The following RNF180 variants were observed in gnomAD, a reference collection of about 807,000 sequenced individuals.
The protein encoded by RNF180 is ring finger protein 180.
A neutral mutation model predicts 59.2 loss-of-function variants in RNF180; 38 were observed. The ratio of observed to expected loss-of-function variants is 0.64; its 90% CI spans 0.50 to 0.84. The LOEUF (loss-of-function observed/expected upper bound fraction) is 0.84. Ranked by LOEUF, RNF180 falls within the 40% of genes least tolerant of loss-of-function variation. The probability of loss-of-function intolerance (pLI) is 0.00; values close to 1 mark genes in which losing one functional copy is unlikely to be tolerated. For synonymous variants in RNF180, 262 were observed against 240.3 expected (o/e 1.09, Z -0.84); for missense variants, 705 against 700.9 (o/e 1.01, Z -0.07).
intron 1 of RNF180, among the ~76,000 whole-genome samples, chr5:64,173,018 A>G (rs1750023944): frequency 6.6e-6 from 1 of 152,232 alleles, no homozygotes. Flanking sequence ...TATCCTGGTA[A>G]TGACTCTTAG....
intron 5 of RNF180, among the ~76,000 whole-genome samples, chr5:64,300,941 A>G (rs1451923190): frequency 1.3e-5 from 2 of 151,670 alleles, no homozygotes; most frequent in Non-Finnish European, 3.0e-5. Flanking sequence ...CCTCATTGGT[A>G]TATTTGGAAA....
At chr5:64,356,363 A>G (rs1185796973) in intron 7 of RNF180, among the ~76,000 whole-genome samples, 1 of 151,948 alleles carries the variant, frequency 6.6e-6, no homozygotes, top group Non-Finnish European at 1.5e-5. Context: ...ATTTCTGATA[A>G]TGACTTAATA....
At chr5:64,224,751 C>T (rs928262631) in intron 5 of RNF180, among the ~76,000 whole-genome samples, 16 of 152,164 alleles carry the variant, frequency 1.1e-4, no homozygotes, top group African/African-American at 3.9e-4. Flanking sequence ...GAACATGTCA[C>T]CTCCAAAATG....
intron 7 of RNF180, among the ~76,000 whole-genome samples, chr5:64,354,749 G>A (rs1745950821): frequency 6.6e-6 from 1 of 151,694 alleles, no homozygotes; most frequent in Non-Finnish European, 1.5e-5. Context: ...ATTACCAAAT[G>A]GGATTTATCT....
chr5:64,168,816 G>A (rs1213107841), intron 1 of RNF180, among the ~76,000 whole-genome samples: 2 of 152,082 alleles, frequency 1.3e-5, no homozygotes, highest in Non-Finnish European at 2.9e-5. Flanking sequence ...CCACACCGAT[G>A]TCAAAAGAAA....
chr5:64,343,220 G>A (rs528053280), intron 7 of RNF180, among the ~76,000 whole-genome samples: 118 of 152,064 alleles, frequency 7.8e-4, no homozygotes, highest in African/African-American at 2.8e-3. Context: ...TAGGAAAAAA[G>A]TGTTAATGAA....
At chr5:64,225,274 A>T (rs1265135112) in intron 5 of RNF180, among the ~76,000 whole-genome samples, 1 of 152,180 alleles carries the variant, frequency 6.6e-6, no homozygotes, top group African/African-American at 2.4e-5. Flanking sequence ...TTCATTCTAA[A>T]TCTGCACATT....
intron 1 of RNF180, among the ~76,000 whole-genome samples, chr5:64,174,999 G>A (rs534649328): frequency 2.5e-5 from 3 of 120,184 alleles, no homozygotes; most frequent in East Asian, 2.4e-4. Flanking sequence ...ACGGAGTCTC[G>A]CTCTGTCCCC....
intron 7 of RNF180, among the ~76,000 whole-genome samples, chr5:64,362,812 GT>G (rs1746308830): frequency 6.6e-6 from 1 of 151,668 alleles, no homozygotes; most frequent in African/African-American, 2.4e-5. Context: ...TCTCATTGTG[GT>G]TTTGATTTGC....
chr5:64,281,158 T>C (rs1741987953), intron 5 of RNF180, among the ~76,000 whole-genome samples: 1 of 152,230 alleles, frequency 6.6e-6, no homozygotes, highest in Non-Finnish European at 1.5e-5. Flanking sequence ...TGATTTTATA[T>C]CCTGAAACTT....
At chr5:64,261,000 G>GA (rs537912840) in intron 5 of RNF180, among the ~76,000 whole-genome samples, 26 of 148,046 alleles carry the variant, frequency 1.8e-4, no homozygotes, top group African/African-American at 6.5e-4. Flanking sequence ...TGCTCATACT[G>GA]AATGCAAACA....
intron 7 of RNF180, among the ~76,000 whole-genome samples, chr5:64,351,106 C>T (rs1263748429): frequency 2.6e-5 from 4 of 151,842 alleles, no homozygotes; most frequent in Non-Finnish European, 4.4e-5. Context: ...TTGTAGTTCT[C>T]CTTGAAGAGG....
At chr5:64,291,300 G>A (rs1179762466) in intron 5 of RNF180, among the ~76,000 whole-genome samples, 2 of 151,218 alleles carry the variant, frequency 1.3e-5, no homozygotes, top group East Asian at 1.9e-4. Context: ...ATGATTATGT[G>A]TCTTGGGTTG....
At chr5:64,322,244 T>G (rs2112513035) in intron 5 of RNF180, among the ~76,000 whole-genome samples, 1 of 152,172 alleles carries the variant, frequency 6.6e-6, no homozygotes, top group Middle Eastern at 3.4e-3. Flanking sequence ...GGAGAAAATT[T>G]TTTCAATCTA....
chr5:64,344,119 A>T (rs1452598005), intron 7 of RNF180, among the ~76,000 whole-genome samples: 1 of 152,064 alleles, frequency 6.6e-6, no homozygotes, highest in African/African-American at 2.4e-5. Context: ...TAGAAAATAA[A>T]AAATGTAAAC....
intron 1 of RNF180, among the ~76,000 whole-genome samples, chr5:64,173,871 A>G (rs539216155): frequency 5.9e-4 from 90 of 151,966 alleles, no homozygotes; most frequent in Non-Finnish European, 1.1e-3. Context: ...ATGCACCACC[A>G]CACCCAGCTA....
chr5:64,335,264 G>A (rs1016946187), intron 7 of RNF180, among the ~76,000 whole-genome samples: 1 of 151,974 alleles, frequency 6.6e-6, no homozygotes, highest in African/African-American at 2.4e-5. Context: ...TTATATGAAT[G>A]GCAGTTATTG....
At chr5:64,228,676 G>A (rs1037058096) in intron 5 of RNF180, among the ~76,000 whole-genome samples, 4 of 151,784 alleles carry the variant, frequency 2.6e-5, no homozygotes, top group Admixed American at 6.6e-5. Flanking sequence ...TTTGTAAAAC[G>A]TTAAAAAAAT....
At position 64,184,847 on chromosome 5, in the gene RNF180, C is replaced by T. The variant is rs145027231; in HGVS notation, c.1-15961C>T. On this transcript the variant is annotated intron_variant, in intron 1 of 7. Transcript: ENST00000389100. ...AAATGAATGAGAGTTAATATATCCC[C>T]AGAAAATTTAGGTAAACCCAGGGCT... Among the ~76,000 whole-genome samples the T allele has an allele frequency of 1.5e-3, 225 of 152,256 alleles. 1 individual carries two copies. The highest frequency in any genetic ancestry group is 5.2e-3 in the African/African-American group (216 of 41,542).
Sources: gnomAD v4.1 joint callset for allele counts (sites outside exome capture counted in the v4.1 genomes callset) on GRCh38, gnomAD v4.1.1 for gene constraint, MANE v1.5 for transcripts, NCBI Gene and HGNC (gene_info 2026-07-23, HGNC 2026-07-21) for gene names.